Variants in ROBO2 observed in about 807,000 individuals in gnomAD.
The protein encoded by ROBO2 is roundabout homolog 2.
A neutral mutation model predicts 160.8 loss-of-function variants in ROBO2; 53 were observed. The ratio of observed to expected loss-of-function variants is 0.33; its 90% CI spans 0.26 to 0.41. The LOEUF (loss-of-function observed/expected upper bound fraction) is 0.41, where lower values mean the gene tolerates loss of function less well. Among genes scored for constraint, ROBO2 ranks in the 10% least tolerant of loss-of-function variants. The pLI, the probability that ROBO2 is intolerant of heterozygous loss-of-function variation, is 1.00. For missense variants in ROBO2, 1,577 were observed against 1,722.4 expected (o/e 0.92, Z 1.49); for synonymous variants, 664 against 611.7 (o/e 1.09, Z -1.26).
At chr3:76,910,406 G>A (rs1036371146) in intron 2 of ROBO2, among the ~76,000 whole-genome samples, 6 of 151,888 alleles carry the variant, frequency 4.0e-5, no homozygotes, top group African/African-American at 1.2e-4. Context: ...GTTTGAATGG[G>A]CTATGGAAAG....
chr3:77,466,568 T>G (rs891289129), intron 2 of ROBO2, among the ~76,000 whole-genome samples: 1 of 152,140 alleles, frequency 6.6e-6, no homozygotes, highest in Non-Finnish European at 1.5e-5. Flanking sequence ...ATGGTGAAAT[T>G]AGCAGAATCA....
At chr3:77,426,971 A>G (rs1054056170) in intron 2 of ROBO2, among the ~76,000 whole-genome samples, 5 of 152,214 alleles carry the variant, frequency 3.3e-5, no homozygotes, top group Non-Finnish European at 4.4e-5. Context: ...TTCTCTCCCA[A>G]GAGTCATACT....
chr3:76,242,568 C>G (rs1324770976), intron 2 of ROBO2, among the ~76,000 whole-genome samples: 4 of 152,042 alleles, frequency 2.6e-5, no homozygotes, highest in South Asian at 2.1e-4. Context: ...AAGCATGTTC[C>G]CAAATAAATC....
intron 2 of ROBO2, among the ~76,000 whole-genome samples, chr3:76,442,298 TATCCTAATTTA>T (rs2076958873): frequency 6.6e-6 from 1 of 152,178 alleles, no homozygotes. Context: ...TATCCCTCCA[TATCCTAATTTA>T]ATCCTAATTT....
intron 2 of ROBO2, among the ~76,000 whole-genome samples, chr3:77,134,693 C>T (rs2150376628): frequency 6.6e-6 from 1 of 152,306 alleles, no homozygotes; most frequent in South Asian, 2.1e-4. Context: ...TTGATCAAAG[C>T]ATGACCTGCT....
intron 2 of ROBO2, among the ~76,000 whole-genome samples, chr3:77,292,324 G>T (rs1229765161): frequency 2.0e-5 from 3 of 151,588 alleles, no homozygotes; most frequent in Non-Finnish European, 4.4e-5. Context: ...AGGAAGTTGA[G>T]GCTGGAACAG....
chr3:77,333,317 T>G (rs773855281), intron 2 of ROBO2, among the ~76,000 whole-genome samples: 6 of 152,230 alleles, frequency 3.9e-5, no homozygotes, highest in Non-Finnish European at 5.9e-5. Context: ...CAGACATTAC[T>G]TTCACCATAT....
At chr3:76,125,032 A>T (rs981335235) in intron 2 of ROBO2, among the ~76,000 whole-genome samples, 1 of 151,962 alleles carries the variant, frequency 6.6e-6, no homozygotes, top group Non-Finnish European at 1.5e-5. Context: ...AGTGTCTGTT[A>T]TTCTTGTGTT....
chr3:76,408,092 C>T (rs1297290077), intron 2 of ROBO2, among the ~76,000 whole-genome samples: 1 of 152,026 alleles, frequency 6.6e-6, no homozygotes, highest in South Asian at 2.1e-4. Flanking sequence ...ATAAGACAGG[C>T]ACTATCCCTA....
At chr3:76,496,144 A>G (rs902949047) in intron 2 of ROBO2, among the ~76,000 whole-genome samples, 2 of 152,236 alleles carry the variant, frequency 1.3e-5, no homozygotes, top group African/African-American at 2.4e-5. Flanking sequence ...TAACAGTTAA[A>G]TAGATTCATC....
At chr3:76,100,761 G>C (rs567563261) in intron 2 of ROBO2, among the ~76,000 whole-genome samples, 4 of 152,234 alleles carry the variant, frequency 2.6e-5, no homozygotes, top group Non-Finnish European at 2.9e-5. Context: ...AGAAAGATAA[G>C]AGCAAATTGC....
Position 76,895,493 on chromosome 3 carries a change from G to A in ROBO2, c.110-202521G>A, listed in dbSNP as rs575935856. Among the ~76,000 whole-genome samples the A allele has an allele frequency of 7.2e-5, 11 of 152,102 alleles. No homozygotes were observed. In the South Asian group the frequency reaches 1.9e-3, roughly 26 times the overall value. On this transcript the variant is annotated intron_variant, in intron 2 of 26. Transcript: ENST00000487694. ...TTTATCATAGCATATTTGTAGCACA[G>A]TGCTTTATAATTTCTTTATTGATTA...
intron 2 of ROBO2, among the ~76,000 whole-genome samples, chr3:76,742,067 A>G (rs1047655547): frequency 2.0e-5 from 3 of 152,056 alleles, no homozygotes; most frequent in African/African-American, 7.2e-5. Flanking sequence ...TGAGTGAAAA[A>G]TTTCATTATA....
chr3:76,713,459 A>G (rs970074216), intron 2 of ROBO2, among the ~76,000 whole-genome samples: 3 of 152,056 alleles, frequency 2.0e-5, no homozygotes, highest in African/African-American at 7.2e-5. Flanking sequence ...TGAATTTTCT[A>G]TGTTCATATT....
intron 2 of ROBO2, among the ~76,000 whole-genome samples, chr3:76,333,597 A>T (rs1402899568): frequency 6.6e-6 from 1 of 152,222 alleles, no homozygotes; most frequent in African/African-American, 2.4e-5. Flanking sequence ...TATAAAAAGC[A>T]TTCAACCAGA....
chr3:76,994,798 C>T (rs1280777821), intron 2 of ROBO2, among the ~76,000 whole-genome samples: 1 of 152,108 alleles, frequency 6.6e-6, no homozygotes, highest in Non-Finnish European at 1.5e-5. Context: ...CACAGATGTG[C>T]TAGAATCTTC....
intron 2 of ROBO2, among the ~76,000 whole-genome samples, chr3:76,030,439 C>T (rs1160925467): frequency 1.3e-5 from 2 of 152,138 alleles, no homozygotes; most frequent in Non-Finnish European, 2.9e-5. Flanking sequence ...GAAGTCCTTG[C>T]CCATGCCTAT....
chr3:76,555,802 C>G (rs1031410915), intron 2 of ROBO2, among the ~76,000 whole-genome samples: 14 of 152,034 alleles, frequency 9.2e-5, no homozygotes, highest in African/African-American at 3.4e-4. Context: ...AAACTCTGGC[C>G]AGGCATTGTG....
chr3:76,999,739 A>G (rs767073716), intron 2 of ROBO2, among the ~76,000 whole-genome samples: 3 of 152,170 alleles, frequency 2.0e-5, no homozygotes, highest in Non-Finnish European at 4.4e-5. Context: ...CAAGAGTTGT[A>G]TGCTTTCTGC....
Sources: allele counts gnomAD v4.1 joint callset (sites outside exome capture counted in the v4.1 genomes callset), GRCh38; gene constraint gnomAD v4.1.1; transcripts MANE v1.5; gene names NCBI Gene and HGNC (gene_info 2026-07-23, HGNC 2026-07-21).